Variants in LHPP observed in about 807,000 individuals in gnomAD.
The protein encoded by LHPP is phospholysine phosphohistidine inorganic pyrophosphate phosphatase.
Under a neutral mutation model 30.3 loss-of-function variants are expected in LHPP, and 24 were observed. The observed-to-expected ratio is 0.79, with a 90% CI of 0.57 to 1.11. The LOEUF (loss-of-function observed/expected upper bound fraction) is 1.11. Ranked by LOEUF, LHPP falls within the 50% of genes most tolerant of loss-of-function variation. The pLI, the probability that LHPP is intolerant of heterozygous loss-of-function variation, is 0.00. For synonymous variants in LHPP, 150 were observed against 157.1 expected (o/e 0.95, Z 0.34); for missense variants, 356 against 367.2 (o/e 0.97, Z 0.25).
At chr10:124,488,284 A>G in intron 2 of LHPP, 138 bp from the exon 3 acceptor site, 1 of 767,554 alleles carries the variant, frequency 1.3e-6, no homozygotes, top group Non-Finnish European at 2.2e-6. Flanking sequence ...TCTACCTCCC[A>G]TGGCAGCTGT....
Position 124,592,020 on chromosome 10 carries a change from C to T in LHPP, c.717-21244C>T, listed in dbSNP as rs940824596. On this transcript the variant is annotated intron_variant, in intron 6 of 6. Transcript: ENST00000368842. The surrounding 1 kb of genome is among the most constrained non-coding windows in gnomAD (Gnocchi z 6.2). ...ACCTTGTAACACACCCTAGACAAGT[C>T]AGCACTCAAGTTTATATGGACAAAT... is the stretch of plus-strand genomic sequence containing the variant. 1.3e-5 allele frequency among the ~76,000 whole-genome samples: 2 copies of T among 152,164 alleles called. No homozygotes were observed. The highest frequency in any genetic ancestry group is 2.9e-5 in the Non-Finnish European group (2 of 68,034).
intron 4 of LHPP, among the ~76,000 whole-genome samples, chr10:124,497,668 G>T (rs938813168): frequency 1.3e-5 from 2 of 152,240 alleles, no homozygotes; most frequent in African/African-American, 4.8e-5. Flanking sequence ...CCTGTGATGA[G>T]CTGCGAGTGG....
At chr10:124,502,629 A>C (rs1953937356) in intron 5 of LHPP, among the ~76,000 whole-genome samples, 1 of 147,702 alleles carries the variant, frequency 6.8e-6, no homozygotes, top group Non-Finnish European at 1.5e-5. Flanking sequence ...TCGGCTCCCA[A>C]AGTGCCGGGA....
intron 6 of LHPP, among the ~76,000 whole-genome samples, chr10:124,572,665 A>AAAGGAAAGG (rs1948603156): frequency 1.7e-5 from 2 of 118,266 alleles, no homozygotes; most frequent in African/African-American, 3.1e-5. Flanking sequence ...GAAAGGAAAG[A>AAAGGAAAGG]AAAGAAAAAA....
chr10:124,542,687 G>A (rs1955227351), intron 6 of LHPP, among the ~76,000 whole-genome samples: 1 of 152,154 alleles, frequency 6.6e-6, no homozygotes, highest in African/African-American at 2.4e-5. Context: ...CAGCCAGGCT[G>A]GAGGCCCATT....
At chr10:124,540,987 T>C (rs1306127554) in intron 6 of LHPP, among the ~76,000 whole-genome samples, 1 of 152,238 alleles carries the variant, frequency 6.6e-6, no homozygotes, top group Non-Finnish European at 1.5e-5. Context: ...AAGAAAATGT[T>C]TTAATGTTTT....
Position 124,576,391 on chromosome 10 carries a change from G to A in LHPP, c.717-36873G>A, listed in dbSNP as rs74416582. ...GGGTTGCCCCCAGGACCCCCCTTGC[G>A]GTACCCGTATATCCCACCCCCAGAC... On this transcript the variant is annotated intron_variant, in intron 6 of 6. Coordinates refer to ENST00000368842, the MANE Select transcript of LHPP (RefSeq NM_022126.4). The surrounding 1 kb of genome is among the most constrained non-coding windows in gnomAD (Gnocchi z 4.2). 0.09 allele frequency among the ~76,000 whole-genome samples: 13,427 copies of A among 149,958 alleles called. 716 individuals carry two copies. The highest frequency in any genetic ancestry group is 0.15 in the Admixed American group (2,224 of 15,062).
In LHPP at chr10:124,478,450, G is replaced by T. The variant is rs534211517; in HGVS notation, c.126-5689G>T. 1.1e-3 allele frequency among the ~76,000 whole-genome samples: 161 copies of T among 152,326 alleles called. No homozygotes were observed. Among genetic ancestry groups the T allele is most frequent in the African/African-American group, 3.7e-3 (154 of 41,586 alleles). On this transcript the variant is annotated intron_variant, in intron 1 of 6. Coordinates refer to ENST00000368842, the MANE Select transcript of LHPP (RefSeq NM_022126.4). This position sits in a 1 kb window ranked among gnomAD's most constrained non-coding sequence, Gnocchi z 4.7. The stretch of plus-strand genomic sequence containing the variant: ...CTGCCTGCCCAGTCTCCCCTCCGAG[G>T]GATCCCATTCTCCCTCCAGCCTCAG...
intron 6 of LHPP, among the ~76,000 whole-genome samples, chr10:124,597,662 G>A (rs1948964856): frequency 1.3e-5 from 2 of 152,148 alleles, no homozygotes; most frequent in Admixed American, 1.3e-4. Context: ...CCCCCATGTG[G>A]TTTGGCCTGA....
intron 6 of LHPP, among the ~76,000 whole-genome samples, chr10:124,585,952 T>G (rs1371549006): frequency 1.3e-5 from 2 of 152,092 alleles, no homozygotes; most frequent in African/African-American, 4.8e-5. Context: ...ACCCAGCTAA[T>G]TTTTATATTT....
At chr10:124,554,523 G>C (rs752616780) in intron 6 of LHPP, among the ~76,000 whole-genome samples, 2 of 152,252 alleles carry the variant, frequency 1.3e-5, no homozygotes, top group Non-Finnish European at 2.9e-5. Context: ...ATGGGATATG[G>C]CAGTTTAATA....
intron 6 of LHPP, among the ~76,000 whole-genome samples, chr10:124,521,696 C>T (rs1954616363): frequency 6.6e-6 from 1 of 152,178 alleles, no homozygotes; most frequent in Admixed American, 6.6e-5. Context: ...GGAGGCCGTC[C>T]AGGCTGGGGC....
chr10:124,462,738 C>T (rs1952439972), intron 1 of LHPP, among the ~76,000 whole-genome samples: 1 of 152,262 alleles, frequency 6.6e-6, no homozygotes, highest in Non-Finnish European at 1.5e-5. Flanking sequence ...TGCTCTGTCG[C>T]CCAGGCTGGA....
intron 6 of LHPP, among the ~76,000 whole-genome samples, chr10:124,521,327 G>A (rs967279476): frequency 1.3e-5 from 2 of 152,214 alleles, no homozygotes; most frequent in African/African-American, 4.8e-5. Context: ...GCAGCACCTC[G>A]CCCTTCCAGG....
rs562958297 is a variant in LHPP at position 124,478,047 on chromosome 10, T to G, written c.126-6092T>G. 6.6e-6 allele frequency among the ~76,000 whole-genome samples: 1 copy of G among 152,270 alleles called. No individual in the cohort carries two copies. Among genetic ancestry groups the G allele is most frequent in the South Asian group, 2.1e-4 (1 of 4,830 alleles). ...CCAGGGTGCCCCCAGGTGCTGATCTTGGCTCCACTGTGGTTGGGCACCAGG... is the reference window on the plus strand; with the variant it reads ...CCAGGGTGCCCCCAGGTGCTGATCTGGGCTCCACTGTGGTTGGGCACCAGG... On this transcript the variant is annotated intron_variant, in intron 1 of 6. Transcript: ENST00000368842. The surrounding 1 kb of genome is among the most constrained non-coding windows in gnomAD (Gnocchi z 4.7).
chr10:124,553,789 C>T (rs1564827410), intron 6 of LHPP: 6 of 636,878 alleles, frequency 9.4e-6, no homozygotes, highest in Non-Finnish European at 9.8e-6. Flanking sequence ...GTATGACTCC[C>T]GGTGATATTG....
At chr10:124,482,744 T>C (rs780966849) in intron 1 of LHPP, among the ~76,000 whole-genome samples, 3 of 152,060 alleles carry the variant, frequency 2.0e-5, no homozygotes, top group Non-Finnish European at 4.4e-5. Flanking sequence ...CCTGGCCCTC[T>C]CTCTTGCTTC....
In LHPP at chr10:124,612,369, C is replaced by T. The variant is rs559940360; in HGVS notation, c.717-895C>T. On this transcript the variant is annotated intron_variant, in intron 6 of 6. Coordinates refer to ENST00000368842, the MANE Select transcript of LHPP (RefSeq NM_022126.4). ...GCAGTGAGCCAAGATCGCACCATTG[C>T]ACTCCAGCCTGGGCAACAGAGTGAC... Among the ~76,000 whole-genome samples, 5 of 152,312 alleles carry T rather than the reference C, an allele frequency of 3.3e-5. No homozygotes were observed. In the East Asian group the frequency reaches 9.6e-4, roughly 29 times the overall value.
Position 124,496,871 on chromosome 10 carries a change from G to A in LHPP, c.468-90G>A. The A allele has an allele frequency of 8.3e-7, 1 of 1,205,666 alleles. No homozygotes were observed. Among genetic ancestry groups the A allele is most frequent in the Non-Finnish European group, 1.2e-6 (1 of 834,928 alleles). 74.7% of individuals were successfully genotyped at this position (1,205,666 alleles called of 1,614,324 possible). On this transcript the variant is annotated intron_variant, in intron 3 of 6. Coordinates refer to ENST00000368842, the MANE Select transcript of LHPP (RefSeq NM_022126.4). This position sits in a 1 kb window ranked among gnomAD's most constrained non-coding sequence, Gnocchi z 4.3. Reference sequence around the variant, plus strand: ...CGCGGCTTGGCTCTGCAGCCAGCGGGACAGGCCCGGTGCTCAGCTCCCGAT... The same window carrying A: ...CGCGGCTTGGCTCTGCAGCCAGCGGAACAGGCCCGGTGCTCAGCTCCCGAT...
Sources: allele counts gnomAD v4.1 joint callset (sites outside exome capture counted in the v4.1 genomes callset), GRCh38; gene constraint gnomAD v4.1.1; non-coding constraint Gnocchi (gnomAD v3.1); transcripts MANE v1.5; gene names NCBI Gene and HGNC (gene_info 2026-07-23, HGNC 2026-07-21).